Variants in NCOA1 observed in about 807,000 individuals in gnomAD.
The protein encoded by NCOA1 is Hin-2 protein.
Under a neutral mutation model 150.9 loss-of-function variants are expected in NCOA1, and 35 were observed. The ratio of observed to expected loss-of-function variants is 0.23; its 90% CI spans 0.18 to 0.31. The LOEUF (loss-of-function observed/expected upper bound fraction) is 0.31, where lower values mean the gene tolerates loss of function less well. Among genes scored for constraint, NCOA1 ranks in the 10% least tolerant of loss-of-function variants. The probability of loss-of-function intolerance (pLI) is 1.00; values close to 1 mark genes in which losing one functional copy is unlikely to be tolerated. For missense variants in NCOA1, 1,491 were observed against 1,749.3 expected, an observed-to-expected ratio of 0.85 and a Z score of 2.63; for synonymous variants, 590 against 630.0, an observed-to-expected ratio of 0.94 and a Z score of 0.95.
At chr2:24,629,071 A>C (rs1669558031) in intron 3 of NCOA1, among the ~76,000 whole-genome samples, 1 of 152,130 alleles carries the variant, frequency 6.6e-6, no homozygotes, top group Non-Finnish European at 1.5e-5. Flanking sequence ...CAGCAGTTGA[A>C]TGGGTATAAA....
chr2:24,642,842 A>G (rs970662025), intron 3 of NCOA1, among the ~76,000 whole-genome samples: 5 of 152,250 alleles, frequency 3.3e-5, no homozygotes, highest in Non-Finnish European at 5.9e-5. Context: ...CAAGGGCATT[A>G]TGCTGAGTGA....
At chr2:24,683,838 A>T (rs1572587821) in intron 8 of NCOA1, among the ~76,000 whole-genome samples, 1 of 152,158 alleles carries the variant, frequency 6.6e-6, no homozygotes, top group African/African-American at 2.4e-5. Flanking sequence ...GTGTTTTTCA[A>T]TAGTCAGTGT....
At chr2:24,542,021 A>G (rs1221988325) in intron 1 of NCOA1, among the ~76,000 whole-genome samples, 3 of 152,224 alleles carry the variant, frequency 2.0e-5, no homozygotes, top group Admixed American at 6.5e-5. Context: ...AATGAAAAGT[A>G]GATTGGATAC....
In NCOA1 at chr2:24,648,296, C is replaced by T. The variant is rs548837109; in HGVS notation, c.-18+4174C>T. Among the ~76,000 whole-genome samples, 13 of 149,164 alleles carry T rather than the reference C, an allele frequency of 8.7e-5. No homozygotes were observed. In the South Asian group the frequency reaches 2.1e-3, roughly 24 times the overall value. The stretch of plus-strand genomic sequence containing the variant: ...ATATTGTGATTTTTTTTTTTTGAGA[C>T]GGTGTCTCACTGTGTCGCCCAGGCT... On this transcript the variant is annotated intron_variant, in intron 4 of 22. Transcript: ENST00000348332.
chr2:24,494,791 CCTAT>C (rs1663130217), intron 1 of NCOA1, among the ~76,000 whole-genome samples: 1 of 152,090 alleles, frequency 6.6e-6, no homozygotes, highest in South Asian at 2.1e-4. Flanking sequence ...TAAATTTCTC[CCTAT>C]CTTAGATTAA....
intron 3 of NCOA1, among the ~76,000 whole-genome samples, chr2:24,628,099 A>T (rs1362499083): frequency 6.6e-6 from 1 of 152,144 alleles, no homozygotes. Flanking sequence ...CAGGAGTTTG[A>T]GACCAGCTTG....
chr2:24,546,094 T>C (rs538102727), intron 1 of NCOA1, among the ~76,000 whole-genome samples: 5 of 152,162 alleles, frequency 3.3e-5, no homozygotes, highest in Non-Finnish European at 7.4e-5. Flanking sequence ...CAGCCTGTTT[T>C]TATTGGATTT....
At chr2:24,627,006 A>G (rs1323160050) in intron 3 of NCOA1, among the ~76,000 whole-genome samples, 2 of 152,190 alleles carry the variant, frequency 1.3e-5, no homozygotes, top group Admixed American at 6.5e-5. Flanking sequence ...CCTGTTAGAA[A>G]GAGAAAATAT....
Position 24,629,809 on chromosome 2 carries a change from C to CATATATAT in NCOA1, c.-174-14154_-174-14153insTATATATA, listed in dbSNP as rs1281547183. Among the ~76,000 whole-genome samples the CATATATAT allele has an allele frequency of 2.1e-3, 203 of 97,322 alleles. 1 individual carries two copies. Among genetic ancestry groups the CATATATAT allele is most frequent in the Non-Finnish European group, 2.1e-3 (112 of 52,348 alleles). 63.8% of individuals were successfully genotyped at this position (97,322 alleles called of 152,430 possible). ...ATGTGCCAGACACTGTTTTAAGTAA[C>CATATATAT]ATACATACATATATATATATATATA... On this transcript the variant is annotated intron_variant, in intron 3 of 22. Coordinates refer to ENST00000348332, the MANE Select transcript of NCOA1 (RefSeq NM_003743.5).
At chr2:24,495,759 C>G (rs1663180958) in intron 1 of NCOA1, among the ~76,000 whole-genome samples, 1 of 152,196 alleles carries the variant, frequency 6.6e-6, no homozygotes, top group African/African-American at 2.4e-5. Context: ...GGTGTCCTAG[C>G]TCTTCCAGAT....
At chr2:24,682,867 T>C in intron 7 of NCOA1, 84 bp from the exon 8 acceptor site, 1 of 1,222,118 alleles carries the variant, frequency 8.2e-7, no homozygotes, top group Non-Finnish European at 1.1e-6. Context: ...ATATTTCTGA[T>C]CTCTTTTTTA....
At chr2:24,598,708 A>T (rs1667984082) in intron 3 of NCOA1, among the ~76,000 whole-genome samples, 2 of 152,122 alleles carry the variant, frequency 1.3e-5, no homozygotes, top group Admixed American at 1.3e-4. Flanking sequence ...AACTTCTAGG[A>T]GTTAATTAGG....
At chr2:24,644,595 T>G (rs1670377421) in intron 4 of NCOA1, among the ~76,000 whole-genome samples, 1 of 152,140 alleles carries the variant, frequency 6.6e-6, no homozygotes, top group African/African-American at 2.4e-5. Flanking sequence ...TTTTACATTG[T>G]TGCTGTTTGA....
intron 5 of NCOA1, among the ~76,000 whole-genome samples, chr2:24,663,458 A>G (rs1298863694): frequency 6.6e-6 from 1 of 152,166 alleles, no homozygotes; most frequent in Admixed American, 6.5e-5. Flanking sequence ...ACAGTAGTAC[A>G]TGGTTATCTG....
intron 14 of NCOA1, among the ~76,000 whole-genome samples, chr2:24,726,010 C>T (rs1368256774): frequency 6.6e-6 from 1 of 151,998 alleles, no homozygotes; most frequent in Non-Finnish European, 1.5e-5. Flanking sequence ...AATGCATATA[C>T]TATTTTCTTC....
intron 5 of NCOA1, 130 bp from the exon 6 acceptor site, chr2:24,665,619 C>G: frequency 1.3e-6 from 1 of 769,202 alleles, no homozygotes; most frequent in Non-Finnish European, 1.8e-6. Context: ...ATTTATATCA[C>G]TTTCTAAATC....
intron 2 of NCOA1, among the ~76,000 whole-genome samples, chr2:24,573,362 A>G (rs1185631789): frequency 6.6e-6 from 1 of 152,156 alleles, no homozygotes; most frequent in Non-Finnish European, 1.5e-5. Flanking sequence ...AATTTTTAAC[A>G]TTTCTTGAAA....
chr2:24,758,326 C>CT (rs772274757), intron 21 of NCOA1, among the ~76,000 whole-genome samples, 170 bp downstream of exon 21: 1,500 of 121,184 alleles, frequency 0.012, 18 homozygotes, highest in East Asian at 0.021. Flanking sequence ...TTTTGACAGA[C>CT]TTTTTTTTTT....
chr2:24,698,943 A>G (rs1379691489), intron 11 of NCOA1, among the ~76,000 whole-genome samples: 2 of 152,186 alleles, frequency 1.3e-5, no homozygotes, highest in African/African-American at 4.8e-5. Flanking sequence ...AGCTTCGTAC[A>G]GACTAGTGGT....
Sources: gnomAD v4.1 joint callset for allele counts (sites outside exome capture counted in the v4.1 genomes callset) on GRCh38, gnomAD v4.1.1 for gene constraint, MANE v1.5 for transcripts, NCBI Gene and HGNC (gene_info 2026-07-23, HGNC 2026-07-21) for gene names.